Variants in MYO18B observed in about 807,000 individuals in gnomAD.
The protein encoded by MYO18B is unconventional myosin-XVIIIb.
A neutral mutation model predicts 273.0 loss-of-function variants in MYO18B; 204 were observed. That is an observed-to-expected ratio of 0.75 (90% CI 0.67 to 0.84). MYO18B has a LOEUF of 0.84. Among genes scored for constraint, MYO18B ranks in the 40% least tolerant of loss-of-function variants. MYO18B has a pLI of 0.00. For synonymous variants in MYO18B, 1,330 were observed against 1,305.7 expected, an observed-to-expected ratio of 1.02 and a Z score of -0.40; for missense variants, 3,212 against 3,287.6, an observed-to-expected ratio of 0.98 and a Z score of 0.56.
intron 1 of MYO18B, among the ~76,000 whole-genome samples, chr22:25,754,951 C>A (rs995219482): frequency 6.6e-6 from 1 of 152,194 alleles, no homozygotes; most frequent in Non-Finnish European, 1.5e-5. Context: ...TCTTGGGAAG[C>A]GGCTGCTGAC....
intron 22 of MYO18B, among the ~76,000 whole-genome samples, chr22:25,871,947 C>T (rs538531519): frequency 1.0e-3 from 158 of 151,636 alleles, no homozygotes; most frequent in African/African-American, 3.5e-3. Context: ...TTGTAATATA[C>T]GATCTGGTGC....
At chr22:26,057,086 A>C in the MYO18B span, among the ~76,000 whole-genome samples, 1 of 152,174 alleles carries the variant, frequency 6.6e-6, no homozygotes, top group African/African-American at 2.4e-5. Context: ...AAAGAGCTTC[A>C]GAGGACAACC....
At chr22:26,050,991 T>C in the MYO18B span, among the ~76,000 whole-genome samples, 1 of 152,046 alleles carries the variant, frequency 6.6e-6, no homozygotes, top group African/African-American at 2.4e-5. Context: ...TAAGGATAGA[T>C]ATGGTTCTGA....
chr22:25,882,740 A>G (rs2091377997), intron 25 of MYO18B, among the ~76,000 whole-genome samples: 1 of 152,172 alleles, frequency 6.6e-6, no homozygotes, highest in Non-Finnish European at 1.5e-5. Flanking sequence ...TCACTTTTAC[A>G]TTAAAAAATT....
chr22:25,796,593 CTAAAAAA>C (rs1489093441), intron 11 of MYO18B, among the ~76,000 whole-genome samples: 18 of 55,240 alleles, frequency 3.3e-4, no homozygotes, highest in Non-Finnish European at 5.1e-4. Context: ...GAGACCCTGT[CTAAAAAA>C]AAAAAAAAAA....
At chr22:26,024,351 G>A (rs975279048) in intron 42 of MYO18B, among the ~76,000 whole-genome samples, 12 of 151,084 alleles carry the variant, frequency 7.9e-5, no homozygotes, top group African/African-American at 2.7e-4. Flanking sequence ...ACTAGGGGTC[G>A]GGGAGTAGAA....
chr22:25,918,963 A>C (rs757716658), intron 33 of MYO18B, among the ~76,000 whole-genome samples: 2 of 152,144 alleles, frequency 1.3e-5, no homozygotes, highest in Non-Finnish European at 2.9e-5. Context: ...GCAATATGAC[A>C]TTGGGCAGAT....
At chr22:25,841,150 G>T (rs1480219688) in intron 17 of MYO18B, among the ~76,000 whole-genome samples, 1 of 152,168 alleles carries the variant, frequency 6.6e-6, no homozygotes, top group Non-Finnish European at 1.5e-5. Context: ...ATGGAGCCCA[G>T]GCACAGTGGA....
intron 22 of MYO18B, among the ~76,000 whole-genome samples, chr22:25,868,622 G>C (rs1198887269): frequency 6.6e-6 from 1 of 152,176 alleles, no homozygotes; most frequent in Non-Finnish European, 1.5e-5. Flanking sequence ...CACTCCTGGG[G>C]ACCCCAAGTG....
chr22:25,845,508 T>C (rs2090213002), intron 18 of MYO18B, among the ~76,000 whole-genome samples: 1 of 151,926 alleles, frequency 6.6e-6, no homozygotes, highest in Non-Finnish European at 1.5e-5. Flanking sequence ...AGAGCAAGAC[T>C]CCATCTCAAA....
At chr22:25,943,878 C>T (rs934235864) in intron 34 of MYO18B, among the ~76,000 whole-genome samples, 5 of 152,044 alleles carry the variant, frequency 3.3e-5, no homozygotes, top group Admixed American at 1.3e-4. Context: ...TACCACCATA[C>T]CCGGCTAATT....
intron 42 of MYO18B, among the ~76,000 whole-genome samples, chr22:26,013,025 A>G (rs996552166): frequency 6.6e-6 from 1 of 152,194 alleles, no homozygotes. Flanking sequence ...CTAACACTGT[A>G]TATTAGATAT....
In MYO18B at chr22:25,775,704, T is replaced by C. The variant is rs1482996787; in HGVS notation, c.1870-1879T>C. ...TCCCGCCCACTGGCCGCCCAGTCAG[T>C]CTTCCTTGTGGTCTCCCTGACCTGT... On this transcript the variant is annotated intron_variant, in intron 7 of 43. Coordinates refer to ENST00000335473, the MANE Select transcript of MYO18B (RefSeq NM_032608.7). 2.6e-5 allele frequency among the ~76,000 whole-genome samples: 4 copies of C among 152,242 alleles called. No individual in the cohort carries two copies. In the East Asian group the frequency reaches 5.8e-4, roughly 22 times the overall value.
At chr22:25,996,421 A>G (rs925378112) in intron 40 of MYO18B, among the ~76,000 whole-genome samples, 1 of 152,186 alleles carries the variant, frequency 6.6e-6, no homozygotes, top group African/African-American at 2.4e-5. Context: ...AGAGAGGTTG[A>G]GTAACTTGCC....
At chr22:26,010,054 A>G (rs1455479530) in intron 42 of MYO18B, among the ~76,000 whole-genome samples, 1 of 152,142 alleles carries the variant, frequency 6.6e-6, no homozygotes, top group Non-Finnish European at 1.5e-5. Flanking sequence ...TGTTATTCAT[A>G]AAGCACCACG....
chr22:26,018,990 C>T (rs552781555), intron 42 of MYO18B, among the ~76,000 whole-genome samples: 1 of 152,272 alleles, frequency 6.6e-6, no homozygotes, highest in African/African-American at 2.4e-5. Flanking sequence ...CACCCAGGCA[C>T]CAGTATTGAC....
chr22:25,956,671 AT>A (rs1476776120), intron 39 of MYO18B, among the ~76,000 whole-genome samples: 1 of 152,072 alleles, frequency 6.6e-6, no homozygotes, highest in African/African-American at 2.4e-5. Context: ...AAGGTTCCAG[AT>A]TTCTGATTCT....
the MYO18B span, among the ~76,000 whole-genome samples, chr22:26,056,818 A>C: frequency 6.6e-6 from 1 of 152,218 alleles, no homozygotes; most frequent in Admixed American, 6.5e-5. Flanking sequence ...CTAGGAAAGA[A>C]TGGCTTTTTC....
intron 42 of MYO18B, among the ~76,000 whole-genome samples, chr22:26,007,536 T>C (rs1934531215): frequency 6.6e-6 from 1 of 152,208 alleles, no homozygotes; most frequent in Admixed American, 6.5e-5. Flanking sequence ...TAAGGATTAT[T>C]ATGCAACCTT....
Sources: gnomAD v4.1 joint callset for allele counts (sites outside exome capture counted in the v4.1 genomes callset) on GRCh38, gnomAD v4.1.1 for gene constraint, MANE v1.5 for transcripts, NCBI Gene and HGNC (gene_info 2026-07-23, HGNC 2026-07-21) for gene names.